ERBB4: variants seen among roughly 807,000 people sequenced by gnomAD.
The protein encoded by ERBB4 is receptor tyrosine-protein kinase erbB-4.
ERBB4 carries 42 observed loss-of-function variants against 158.0 expected under a neutral mutation model. The ratio of observed to expected loss-of-function variants is 0.27; its 90% CI spans 0.21 to 0.34. ERBB4 has a LOEUF of 0.34. Ranked by LOEUF, ERBB4 falls within the 10% of genes least tolerant of loss-of-function variation. ERBB4 has a pLI of 1.00. For synonymous variants in ERBB4, 583 were observed against 558.7 expected, an observed-to-expected ratio of 1.04 and a Z score of -0.61; for missense variants, 1,333 against 1,624.1, an observed-to-expected ratio of 0.82 and a Z score of 3.08.
At chr2:212,373,220 T>C (rs184206340) in intron 1 of ERBB4, among the ~76,000 whole-genome samples, 2 of 152,128 alleles carry the variant, frequency 1.3e-5, no homozygotes, top group Non-Finnish European at 2.9e-5. Context: ...ATCCACATTT[T>C]AGAGATTAGG....
chr2:212,074,619 G>C (rs567946283), intron 2 of ERBB4, among the ~76,000 whole-genome samples: 1 of 152,018 alleles, frequency 6.6e-6, no homozygotes, highest in South Asian at 2.1e-4. Flanking sequence ...GCAACCTGGG[G>C]AGACAATGGT....
At chr2:211,481,630 G>C (rs1433521960) in intron 20 of ERBB4, among the ~76,000 whole-genome samples, 1 of 151,338 alleles carries the variant, frequency 6.6e-6, no homozygotes, top group African/African-American at 2.4e-5. Flanking sequence ...TACATACTCC[G>C]TGAGTATGTG....
intron 1 of ERBB4, among the ~76,000 whole-genome samples, chr2:212,356,718 T>C (rs1470192503): frequency 4.8e-4 from 4 of 8,408 alleles, no homozygotes; most frequent in East Asian, 4.4e-3. Flanking sequence ...GATGAACCCA[T>C]GTAAAAAAAA....
intron 19 of ERBB4, among the ~76,000 whole-genome samples, chr2:211,602,573 T>C (rs2068834388): frequency 1.3e-5 from 2 of 152,134 alleles, no homozygotes; most frequent in Admixed American, 6.5e-5. Flanking sequence ...CCCCTTCAAG[T>C]TGACCTTTCT....
chr2:211,725,444 C>T (rs2074235594), intron 5 of ERBB4, among the ~76,000 whole-genome samples: 1 of 152,036 alleles, frequency 6.6e-6, no homozygotes, highest in African/African-American at 2.4e-5. Flanking sequence ...TACAACTTAA[C>T]AAGAAAGAAT....
intron 1 of ERBB4, among the ~76,000 whole-genome samples, chr2:212,496,817 G>T (rs1651983503): frequency 6.6e-6 from 1 of 152,074 alleles, no homozygotes; most frequent in Non-Finnish European, 1.5e-5. Flanking sequence ...TCCTGCTTAT[G>T]CTCTATATCC....
intron 1 of ERBB4, among the ~76,000 whole-genome samples, chr2:212,468,992 T>A (rs1242278297): frequency 6.6e-6 from 1 of 152,200 alleles, no homozygotes; most frequent in Non-Finnish European, 1.5e-5. Context: ...TAGACTGCTA[T>A]GGGGATCAAT....
At chr2:212,064,945 C>T (rs1464531888) in intron 2 of ERBB4, among the ~76,000 whole-genome samples, 1 of 151,162 alleles carries the variant, frequency 6.6e-6, no homozygotes, top group East Asian at 1.9e-4. Context: ...CTAATTAACT[C>T]TTGTTTAAAC....
chr2:211,941,732 T>TTTG (rs2080504208), intron 3 of ERBB4, among the ~76,000 whole-genome samples: 1 of 151,036 alleles, frequency 6.6e-6, no homozygotes, highest in African/African-American at 2.4e-5. Context: ...TTTTTTTTTT[T>TTTG]TTGTCTAAAC....
At chr2:212,340,440 A>G (rs1287159790) in intron 1 of ERBB4, among the ~76,000 whole-genome samples, 2 of 152,200 alleles carry the variant, frequency 1.3e-5, no homozygotes, top group Admixed American at 1.3e-4. Context: ...ACAACTCACC[A>G]TAATGTAGAA....
chr2:211,864,155 G>A (rs2078143378), intron 3 of ERBB4, among the ~76,000 whole-genome samples: 1 of 152,178 alleles, frequency 6.6e-6, no homozygotes, highest in Non-Finnish European at 1.5e-5. Flanking sequence ...GCCATTTCTT[G>A]ATTCCTTTCC....
At chr2:211,727,559 G>A (rs78436648) in intron 5 of ERBB4, among the ~76,000 whole-genome samples, 2,385 of 152,026 alleles carry the variant, frequency 0.016, 74 homozygotes, top group African/African-American at 0.054. Context: ...ATAAAAAGGT[G>A]TATAGAGTTA....
intron 1 of ERBB4, among the ~76,000 whole-genome samples, chr2:212,464,627 T>C (rs1688737438): frequency 6.6e-6 from 1 of 152,092 alleles, no homozygotes; most frequent in South Asian, 2.1e-4. Context: ...TGTCAATTAG[T>C]AATTCAATTT....
intron 20 of ERBB4, among the ~76,000 whole-genome samples, chr2:211,497,458 C>T (rs6751135): frequency 0.42 from 63,972 of 151,852 alleles, 14,685 homozygotes; most frequent in African/African-American, 0.61. Flanking sequence ...TGTTGAATTA[C>T]ATATCTACTT....
intron 3 of ERBB4, among the ~76,000 whole-genome samples, chr2:211,848,619 A>T (rs1396596010): frequency 2.0e-5 from 3 of 152,074 alleles, no homozygotes; most frequent in Non-Finnish European, 4.4e-5. Context: ...AACCTATTCA[A>T]AGATGTCAGT....
Position 212,217,795 on chromosome 2 carries a change from G to A in ERBB4, c.83-92892C>T, listed in dbSNP as rs75563082. Among the ~76,000 whole-genome samples the A allele has an allele frequency of 4.8e-3, 733 of 151,304 alleles. 9 individuals carry two copies. Among genetic ancestry groups the A allele is most frequent in the African/African-American group, 0.017 (690 of 41,410 alleles). On this transcript the variant is annotated intron_variant, in intron 1 of 27. Transcript: ENST00000342788. Reference sequence around the variant, plus strand: ...GTTTTTATAATTTAATTAAGCTTCCGTATATTAATTTATAAAATGAGATTA... The same window carrying A: ...GTTTTTATAATTTAATTAAGCTTCCATATATTAATTTATAAAATGAGATTA...
chr2:211,602,409 C>T (rs1490565463), intron 19 of ERBB4, among the ~76,000 whole-genome samples: 1 of 152,018 alleles, frequency 6.6e-6, no homozygotes, highest in African/African-American at 2.4e-5. Context: ...CACCCACTCC[C>T]CCACAGCAGC....
intron 2 of ERBB4, among the ~76,000 whole-genome samples, chr2:212,079,438 T>A (rs1158509141): frequency 6.6e-6 from 1 of 152,078 alleles, no homozygotes; most frequent in Non-Finnish European, 1.5e-5. Flanking sequence ...TAACTGGAGG[T>A]ATTCATGCTT....
rs187327864 is a variant in ERBB4 at position 211,897,055 on chromosome 2, A to T, written c.421+50375T>A. Among the ~76,000 whole-genome samples the T allele has an allele frequency of 1.3e-4, 19 of 150,096 alleles. No individual in the cohort carries two copies. The East Asian group carries it at 3.7e-3, about 29-fold the overall frequency. ...TGTAATTATTATTAATATTATACAA[A>T]TTATTATATAAGTATAGAATATATT... On this transcript the variant is annotated intron_variant, in intron 3 of 27. Transcript: ENST00000342788.
Sources: allele counts gnomAD v4.1 joint callset (sites outside exome capture counted in the v4.1 genomes callset), GRCh38; gene constraint gnomAD v4.1.1; transcripts MANE v1.5; gene names NCBI Gene and HGNC (gene_info 2026-07-23, HGNC 2026-07-21).